AHI1: variants seen among roughly 807,000 people sequenced by gnomAD.
AHI1 encodes jouberin.
Under a neutral mutation model 149.3 loss-of-function variants are expected in AHI1, and 123 were observed. That is an observed-to-expected ratio of 0.82 (90% confidence interval 0.71 to 0.96). The LOEUF is 0.96. Ranked by LOEUF, AHI1 falls within the 40% of genes least tolerant of loss-of-function variation. AHI1 has a pLI of 0.00. For synonymous variants in AHI1, 475 were observed against 459.8 expected, an observed-to-expected ratio of 1.03 and a Z score of -0.42; for missense variants, 1,439 against 1,422.7, an observed-to-expected ratio of 1.01 and a Z score of -0.18.
intron 24 of AHI1, among the ~76,000 whole-genome samples, chr6:135,344,230 G>A (rs1257492976): frequency 2.0e-5 from 3 of 150,964 alleles, no homozygotes; most frequent in Admixed American, 1.3e-4. Flanking sequence ...TCCATTTGTA[G>A]TTGGCTGAAT....
intron 5 of AHI1, among the ~76,000 whole-genome samples, chr6:135,480,737 C>T (rs1158824007): frequency 1.3e-5 from 2 of 152,178 alleles, no homozygotes; most frequent in African/African-American, 4.8e-5. Context: ...CCCCAGGCCT[C>T]AGACCAGTAC....
At chr6:135,477,517 G>A (rs756767535) in intron 5 of AHI1, among the ~76,000 whole-genome samples, 1 of 152,168 alleles carries the variant, frequency 6.6e-6, no homozygotes, top group Non-Finnish European at 1.5e-5. Flanking sequence ...CAAATCTCAT[G>A]TTGAATTGTA....
intron 26 of AHI1, among the ~76,000 whole-genome samples, chr6:135,303,950 G>A (rs891080221): frequency 1.3e-5 from 2 of 152,240 alleles, no homozygotes; most frequent in African/African-American, 2.4e-5. Context: ...CTCTGTTTCC[G>A]GGAGCACAAT....
chr6:135,456,401 G>C (rs922580626), intron 9 of AHI1, among the ~76,000 whole-genome samples: 1 of 152,084 alleles, frequency 6.6e-6, no homozygotes, highest in Non-Finnish European at 1.5e-5. Context: ...AAAGTTAGCT[G>C]GGCATGGTGG....
chr6:135,312,311 G>A (rs902257780), intron 26 of AHI1, among the ~76,000 whole-genome samples: 9 of 152,072 alleles, frequency 5.9e-5, no homozygotes, highest in Non-Finnish European at 1.0e-4. Flanking sequence ...TCAGGAGTTC[G>A]AGGCCAGCCT....
Position 135,302,636 on chromosome 6 carries a change from C to G in AHI1, c.3427-2078G>C, listed in dbSNP as rs1784019373. The G allele has an allele frequency of 8.7e-6, 10 of 1,152,352 alleles. No homozygotes were observed. The South Asian group carries it at 1.8e-4, about 21-fold the overall frequency. The allele number at this position is 1,152,352 out of a possible 1,614,324, so 71.4% of individuals were successfully genotyped here. A position where few individuals can be genotyped will look rare whatever the true frequency, so the allele number is the denominator to read the frequency against. ...CTAAGTTAGAAGGGGGTCCACATTA[C>G]AAAGTTTACCACTTACTTGAAAAGG... On this transcript the variant is annotated intron_variant, in intron 26 of 28. Transcript: ENST00000265602.
chr6:135,352,566 A>G (rs1348811106), intron 24 of AHI1, among the ~76,000 whole-genome samples: 1 of 152,148 alleles, frequency 6.6e-6, no homozygotes, highest in East Asian at 1.9e-4. Flanking sequence ...ATATTTGGGC[A>G]CAAACTGCCT....
chr6:135,355,052 C>T (rs543506796), intron 24 of AHI1, among the ~76,000 whole-genome samples: 32 of 152,174 alleles, frequency 2.1e-4, no homozygotes, highest in African/African-American at 7.7e-4. Flanking sequence ...AGGTTAAGTT[C>T]AAGTAATTAA....
Position 135,447,023 on chromosome 6 carries a change from T to C in AHI1, c.1764A>G (p.Lys588=). 2 of 1,611,580 alleles carry C rather than the reference T, an allele frequency of 1.2e-6. No homozygotes were observed. Among genetic ancestry groups the C allele is most frequent in the African/African-American group, 1.3e-5 (1 of 74,956 alleles). ...LEESKEVIKW[K]RLPGQACRIP... is the part of the protein sequence containing the mutation. ...AACACTTCACCTGCCCAGGGAGTCGTTTCCACTTTATTACTTCCTTTGACT... is the reference window on the plus strand; with the variant it reads ...AACACTTCACCTGCCCAGGGAGTCGCTTCCACTTTATTACTTCCTTTGACT... Residue 588 remains lysine (K), a synonymous_variant, in exon 13 of 29, where the codon AAA becomes AAG. Coordinates refer to ENST00000265602, the MANE Select transcript of AHI1 (RefSeq NM_001134831.2).
chr6:135,316,034 C>A (rs193287204), intron 26 of AHI1, among the ~76,000 whole-genome samples: 9 of 133,816 alleles, frequency 6.7e-5, no homozygotes, highest in Non-Finnish European at 1.4e-4. Context: ...CCAGTATTAT[C>A]CCCCACCTTG....
chr6:135,452,591 A>C (rs185326139), intron 11 of AHI1, among the ~76,000 whole-genome samples: 1 of 152,302 alleles, frequency 6.6e-6, no homozygotes, highest in Non-Finnish European at 1.5e-5. Context: ...TCTTTTGTTT[A>C]AAATCCCACA....
At chr6:135,289,229 C>T (rs1782043756) in intron 28 of AHI1, among the ~76,000 whole-genome samples, 1 of 151,930 alleles carries the variant, frequency 6.6e-6, no homozygotes, top group Non-Finnish European at 1.5e-5. Context: ...GGTGCGGTGG[C>T]TCACGCCTGT....
In AHI1 at chr6:135,466,164, C is replaced by T; in HGVS notation, c.399G>A (p.Val133=). ...GKPNKKVIKT[V]PQLTTQDLKP... ...TCAGGTCTTGTGTAGTCAACTGGGG[C>T]ACCGTCTTTATCACCTTTTTATTTG... is the stretch of plus-strand genomic sequence containing the variant. Residue 133 remains valine, a synonymous_variant, in exon 7 of 29, where the codon GTG becomes GTA. Coordinates refer to ENST00000265602, the MANE Select transcript of AHI1 (RefSeq NM_001134831.2). 1 of 1,613,856 alleles carries T rather than the reference C, an allele frequency of 6.2e-7. No individual in the cohort carries two copies. Among genetic ancestry groups the T allele is most frequent in the South Asian group, 1.1e-5 (1 of 91,074 alleles).
At chr6:135,368,686 A>C (rs764095786) in intron 23 of AHI1, among the ~76,000 whole-genome samples, 1 of 152,124 alleles carries the variant, frequency 6.6e-6, no homozygotes, top group Admixed American at 6.5e-5. Flanking sequence ...AAGGAAAGGC[A>C]GTAGTTACAG....
At chr6:135,411,122 C>G (rs977598104) in intron 21 of AHI1, among the ~76,000 whole-genome samples, 1 of 152,062 alleles carries the variant, frequency 6.6e-6, no homozygotes, top group Non-Finnish European at 1.5e-5. Context: ...GCTGGGCTAG[C>G]CTTTACAGAG....
intron 23 of AHI1, among the ~76,000 whole-genome samples, chr6:135,373,352 A>G (rs1278634396): frequency 6.6e-6 from 1 of 152,200 alleles, no homozygotes; most frequent in African/African-American, 2.4e-5. Context: ...GCCATACCAT[A>G]TAGCTTAGGT....
chr6:135,358,329 C>T, intron 23 of AHI1, 142 bp from the exon 24 acceptor site: 1 of 731,922 alleles, frequency 1.4e-6, no homozygotes, highest in East Asian at 2.5e-5. Context: ...AAGGCAAGAT[C>T]CTTTTAAGAT....
chr6:135,404,573 G>T (rs910277211), intron 22 of AHI1, among the ~76,000 whole-genome samples: 2 of 152,156 alleles, frequency 1.3e-5, no homozygotes, highest in Non-Finnish European at 2.9e-5. Flanking sequence ...TGTACAGCTT[G>T]CATGCATTTC....
At chr6:135,430,534 T>G (rs1443142137) in intron 17 of AHI1, among the ~76,000 whole-genome samples, 2 of 151,850 alleles carry the variant, frequency 1.3e-5, no homozygotes. Context: ...ATAATTATAT[T>G]ATGAAAAATT....
Sources: gnomAD v4.1 joint callset for allele counts (sites outside exome capture counted in the v4.1 genomes callset) on GRCh38, gnomAD v4.1.1 for gene constraint, MANE v1.5 for transcripts, NCBI Gene and HGNC (gene_info 2026-07-23, HGNC 2026-07-21) for gene names.